Variants in NEGR1 observed in about 807,000 individuals in gnomAD.
NEGR1 encodes the protein IgLON family member 4.
NEGR1 carries 10 observed loss-of-function variants against 40.9 expected under a neutral mutation model. The ratio of observed to expected loss-of-function variants is 0.24; its 90% CI spans 0.15 to 0.42. The LOEUF is 0.42. Ranked by LOEUF, NEGR1 falls within the 10% of genes least tolerant of loss-of-function variation. The pLI is 1.00. For synonymous variants in NEGR1, 185 were observed against 166.8 expected, an observed-to-expected ratio of 1.11 and a Z score of -0.84; for missense variants, 352 against 438.9, an observed-to-expected ratio of 0.80 and a Z score of 1.77.
chr1:72,083,217 T>C lies in NEGR1; in HGVS notation c.177-147906A>G, dbSNP rs1014018362. 7.9e-5 allele frequency among the ~76,000 whole-genome samples: 12 copies of C among 151,864 alleles called. 1 individual carries two copies. Among genetic ancestry groups the C allele is most frequent in the Admixed American group, 7.2e-4 (11 of 15,240 alleles). ...ACTTTAGAAACTGATTGTATCTATG[T>C]GTGTCTTCCTCTCTCACTACCTTCT... On this transcript the variant is annotated intron_variant, in intron 1 of 6. Coordinates refer to ENST00000357731, the MANE Select transcript of NEGR1 (RefSeq NM_173808.3).
Position 71,713,211 on chromosome 1 carries a change from C to T in NEGR1, c.536-15072G>A, listed in dbSNP as rs545012664. Among the ~76,000 whole-genome samples, 74 of 152,208 alleles carry T rather than the reference C, an allele frequency of 4.9e-4. No homozygotes were observed. In the South Asian group the frequency reaches 0.011, roughly 22 times the overall value. On this transcript the variant is annotated intron_variant, in intron 3 of 6. Transcript: ENST00000357731. ...ATGAAACTTCCTATTCTATTTTTGT[C>T]GGAAAGATTATTGAGGTCCTTTTCT...
chr1:72,051,768 A>G (rs1333104747), intron 1 of NEGR1, among the ~76,000 whole-genome samples: 3 of 151,498 alleles, frequency 2.0e-5, no homozygotes, highest in African/African-American at 7.3e-5. Flanking sequence ...TATAATGGCA[A>G]TAAAGACACT....
At chr1:72,175,125 G>A (rs1037615076) in intron 1 of NEGR1, among the ~76,000 whole-genome samples, 3 of 151,262 alleles carry the variant, frequency 2.0e-5, no homozygotes, top group South Asian at 2.1e-4. Context: ...CCCTTCCCCC[G>A]ATATTTTCAA....
chr1:71,642,659 C>T (rs1037948801), intron 4 of NEGR1, among the ~76,000 whole-genome samples: 7 of 151,452 alleles, frequency 4.6e-5, no homozygotes, highest in Non-Finnish European at 8.8e-5. Flanking sequence ...GAAGGAAGTA[C>T]GGTTTTTGTT....
At chr1:71,847,775 A>C (rs889604773) in intron 2 of NEGR1, among the ~76,000 whole-genome samples, 4 of 152,186 alleles carry the variant, frequency 2.6e-5, no homozygotes, top group Admixed American at 2.6e-4. Flanking sequence ...ACATGCTTTA[A>C]TCAGAAACTA....
intron 4 of NEGR1, among the ~76,000 whole-genome samples, chr1:71,633,478 G>C (rs10889923): frequency 0.38 from 57,637 of 151,864 alleles, 11,586 homozygotes; most frequent in East Asian, 0.65. Flanking sequence ...CTAAAAGTGG[G>C]AAGATTGGCT....
chr1:72,228,027 T>C (rs1484611992), intron 1 of NEGR1, among the ~76,000 whole-genome samples: 1 of 152,138 alleles, frequency 6.6e-6, no homozygotes, highest in Non-Finnish European at 1.5e-5. Context: ...AGTTAATATA[T>C]GAAATGCCCT....
Position 71,998,026 on chromosome 1 carries a change from C to G in NEGR1, c.177-62715G>C, listed in dbSNP as rs112610929. 1.2e-4 allele frequency among the ~76,000 whole-genome samples: 19 copies of G among 152,062 alleles called. No individual in the cohort carries two copies. In the South Asian group the frequency reaches 3.7e-3, roughly 30 times the overall value. On this transcript the variant is annotated intron_variant, in intron 1 of 6. Coordinates refer to ENST00000357731, the MANE Select transcript of NEGR1 (RefSeq NM_173808.3). Reference sequence around the variant, plus strand: ...GTAAAAATTAACAATTTTGAAACAACTTCTTAATTTTCCCTGACTAAGAAG... The same window carrying G: ...GTAAAAATTAACAATTTTGAAACAAGTTCTTAATTTTCCCTGACTAAGAAG...
chr1:71,815,118 T>A (rs977235778), intron 2 of NEGR1, among the ~76,000 whole-genome samples: 1 of 152,150 alleles, frequency 6.6e-6, no homozygotes, highest in South Asian at 2.1e-4. Context: ...TTTGCTCTCA[T>A]TGGTTTCAAA....
At chr1:71,612,776 C>G (rs376377802) in intron 4 of NEGR1, among the ~76,000 whole-genome samples, 1 of 152,062 alleles carries the variant, frequency 6.6e-6, no homozygotes, top group East Asian at 1.9e-4. Flanking sequence ...GAGACAGAAC[C>G]TTGAAGGAAG....
intron 2 of NEGR1, among the ~76,000 whole-genome samples, chr1:71,825,429 T>C (rs1166978288): frequency 1.3e-5 from 2 of 151,942 alleles, no homozygotes; most frequent in African/African-American, 4.8e-5. Context: ...AGATTTAGCA[T>C]AAGCCTCTTT....
intron 5 of NEGR1, among the ~76,000 whole-genome samples, chr1:71,601,458 C>A (rs553707933): frequency 6.6e-6 from 1 of 152,296 alleles, no homozygotes; most frequent in African/African-American, 2.4e-5. Context: ...CCCAGCAATT[C>A]CACTAAACAA....
chr1:72,012,842 C>CATATATATATATAT lies in NEGR1; in HGVS notation c.177-77545_177-77532dup, dbSNP rs375131531. On this transcript the variant is annotated intron_variant, in intron 1 of 6. Transcript: ENST00000357731. ...ACACACACACACACATATATACATA[C>CATATATATATATAT]ATATATATATATATACACACACACA... is the stretch of plus-strand genomic sequence containing the variant. Among the ~76,000 whole-genome samples, 282 of 140,168 alleles carry CATATATATATATAT rather than the reference C, an allele frequency of 2.0e-3. 2 individuals carry two copies. The highest frequency in any genetic ancestry group is 0.012 in the South Asian group (53 of 4,450). 92.0% of individuals were successfully genotyped at this position (140,168 alleles called of 152,430 possible).
chr1:72,061,854 C>G (rs1232254072), intron 1 of NEGR1, among the ~76,000 whole-genome samples: 2 of 151,686 alleles, frequency 1.3e-5, no homozygotes, highest in African/African-American at 4.8e-5. Context: ...GGATTGTGAA[C>G]GATGCCCACC....
At chr1:72,252,852 T>A (rs999932272) in intron 1 of NEGR1, among the ~76,000 whole-genome samples, 1 of 152,210 alleles carries the variant, frequency 6.6e-6, no homozygotes, top group South Asian at 2.1e-4. Flanking sequence ...CATATCATTC[T>A]GTTCACACCT....
At chr1:71,720,279 T>C (rs1654461733) in intron 3 of NEGR1, among the ~76,000 whole-genome samples, 1 of 152,166 alleles carries the variant, frequency 6.6e-6, no homozygotes, top group Non-Finnish European at 1.5e-5. Flanking sequence ...ATCGATTGAC[T>C]CTATCAATGC....
intron 6 of NEGR1, among the ~76,000 whole-genome samples, chr1:71,566,629 T>G (rs1648626645): frequency 6.6e-6 from 1 of 152,168 alleles, no homozygotes; most frequent in South Asian, 2.1e-4. Context: ...AAAATTTTCC[T>G]GTAAAGGGCC....
At chr1:71,614,431 CA>C (rs1457936482) in intron 4 of NEGR1, among the ~76,000 whole-genome samples, 1 of 151,998 alleles carries the variant, frequency 6.6e-6, no homozygotes, top group Non-Finnish European at 1.5e-5. Context: ...ATGTCACCTG[CA>C]AAAGCCAATT....
intron 6 of NEGR1, among the ~76,000 whole-genome samples, chr1:71,566,665 A>G (rs1648627610): frequency 6.6e-6 from 1 of 152,200 alleles, no homozygotes; most frequent in South Asian, 2.1e-4. Context: ...TTGGCTATGC[A>G]GGCCAAATGA....
Sources: allele counts gnomAD v4.1 joint callset (sites outside exome capture counted in the v4.1 genomes callset), GRCh38; gene constraint gnomAD v4.1.1; transcripts MANE v1.5; gene names NCBI Gene and HGNC (gene_info 2026-07-23, HGNC 2026-07-21).